Variants in PTPRC observed in about 807,000 individuals in gnomAD.
PTPRC encodes receptor-type tyrosine-protein phosphatase C.
A neutral mutation model predicts 155.9 loss-of-function variants in PTPRC; 44 were observed. That is an observed-to-expected ratio of 0.28 (90% CI 0.22 to 0.36). The LOEUF is 0.36. Among genes scored for constraint, PTPRC ranks in the 10% least tolerant of loss-of-function variants. The probability of loss-of-function intolerance (pLI) is 1.00; values close to 1 mark genes in which losing one functional copy is unlikely to be tolerated. For missense variants in PTPRC, 1,401 were observed against 1,564.6 expected (o/e 0.90, Z 1.76); for synonymous variants, 525 against 533.1 (o/e 0.98, Z 0.21).
intron 26 of PTPRC, 123 bp from the exon 27 acceptor site, chr1:198,747,986 T>C (rs1175719958): frequency 7.0e-7 from 1 of 1,418,868 alleles, no homozygotes; most frequent in Non-Finnish European, 9.5e-7. Flanking sequence ...TTATGGCCTA[T>C]AGGGAGCATA....
intron 27 of PTPRC, among the ~76,000 whole-genome samples, chr1:198,748,549 G>A (rs1268586034): frequency 2.6e-5 from 4 of 151,598 alleles, no homozygotes; most frequent in Non-Finnish European, 4.4e-5. Context: ...ATTTACTCCA[G>A]GGTAATTGAC....
At chr1:198,680,005 C>T (rs1173181175) in intron 2 of PTPRC, 4 of 606,674 alleles carry the variant, frequency 6.6e-6, no homozygotes, top group Non-Finnish European at 1.2e-5. Flanking sequence ...TTCCTGCAGG[C>T]TCAAGGGCCT....
intron 11 of PTPRC, among the ~76,000 whole-genome samples, chr1:198,712,571 G>C (rs1019589077): frequency 2.0e-5 from 3 of 152,160 alleles, no homozygotes; most frequent in Non-Finnish European, 4.4e-5. Flanking sequence ...AATGACAAGT[G>C]CTACTCAATG....
intron 2 of PTPRC, among the ~76,000 whole-genome samples, chr1:198,656,000 G>A (rs144883975): frequency 6.6e-6 from 1 of 151,994 alleles, no homozygotes; most frequent in African/African-American, 2.4e-5. Context: ...CATGAAGTTC[G>A]TTGGGTACTC....
At chr1:198,698,497 C>A (rs923603385) in intron 4 of PTPRC, among the ~76,000 whole-genome samples, 3 of 151,824 alleles carry the variant, frequency 2.0e-5, no homozygotes, top group East Asian at 3.9e-4. Flanking sequence ...TTTTCATTTA[C>A]TGATATAATT....
chr1:198,664,717 G>A (rs1324169126), intron 2 of PTPRC, among the ~76,000 whole-genome samples: 1 of 152,036 alleles, frequency 6.6e-6, no homozygotes, highest in African/African-American at 2.4e-5. Flanking sequence ...CTCTAGAATA[G>A]GCTGTTTGGG....
At chr1:198,655,887 A>C (rs1254692334) in intron 2 of PTPRC, among the ~76,000 whole-genome samples, 1 of 152,062 alleles carries the variant, frequency 6.6e-6, no homozygotes, top group Non-Finnish European at 1.5e-5. Flanking sequence ...ACTTCATTGA[A>C]ATAATTTCTT....
At chr1:198,746,127 CA>C (rs1241971946) in intron 26 of PTPRC, among the ~76,000 whole-genome samples, 3 of 151,590 alleles carry the variant, frequency 2.0e-5, no homozygotes, top group Admixed American at 2.0e-4. Context: ...TTGAATTAAC[CA>C]AAAATGATGA....
At chr1:198,718,507 T>C (rs72738059) in intron 14 of PTPRC, among the ~76,000 whole-genome samples, 1,960 of 152,332 alleles carry the variant, frequency 0.013, 24 homozygotes, top group Non-Finnish European at 0.016. Flanking sequence ...AAATGTTTCA[T>C]TGGAATATTT....
At chr1:198,694,422 T>G in intron 3 of PTPRC, 2 of 1,092,068 alleles carry the variant, frequency 1.8e-6, no homozygotes, top group African/African-American at 1.6e-5. Flanking sequence ...GAACAATACT[T>G]TGCATCCTTC....
chr1:198,749,663 A>G, intron 28 of PTPRC, 114 bp downstream of exon 28: 2 of 989,954 alleles, frequency 2.0e-6, no homozygotes, highest in African/African-American at 1.6e-5. Flanking sequence ...GGTCATAACT[A>G]CATATAGATT....
intron 2 of PTPRC, among the ~76,000 whole-genome samples, chr1:198,650,591 G>A (rs1663194188): frequency 6.6e-6 from 1 of 151,858 alleles, no homozygotes; most frequent in Non-Finnish European, 1.5e-5. Context: ...TGTTATTGAT[G>A]TCTGATTTTC....
intron 2 of PTPRC, among the ~76,000 whole-genome samples, chr1:198,687,351 G>A (rs1665686110): frequency 6.6e-6 from 1 of 152,050 alleles, no homozygotes; most frequent in African/African-American, 2.4e-5. Context: ...TTCTATCTAT[G>A]ATTTTGGTAA....
rs558327158 is a variant in PTPRC at position 198,713,990 on chromosome 1, A to G, written c.1291+918A>G. Among the ~76,000 whole-genome samples the G allele has an allele frequency of 3.3e-5, 5 of 152,316 alleles. No homozygotes were observed. In the South Asian group the frequency reaches 1.0e-3, roughly 32 times the overall value. On this transcript the variant is annotated intron_variant, in intron 12 of 32. Coordinates refer to ENST00000442510, the MANE Select transcript of PTPRC (RefSeq NM_002838.5). ...ACTACTAAAGCAAAGTTAAATATGC[A>G]TGTAGTTTTCAAATTAACATTCAAA...
Position 198,735,259 on chromosome 1 carries a change from T to A in PTPRC, c.2403+7T>A, listed in dbSNP as rs766343243. The A allele has an allele frequency of 1.4e-5, 23 of 1,595,044 alleles. No homozygotes were observed. Among genetic ancestry groups the A allele is most frequent in the Non-Finnish European group, 1.8e-5 (21 of 1,168,746 alleles). Reference sequence around the variant, plus strand: ...GAAATTGAACATTGTAAATGTGAGTTTGCTTTTTACATAATTTTTGTTTTG... The same window carrying A: ...GAAATTGAACATTGTAAATGTGAGTATGCTTTTTACATAATTTTTGTTTTG... On this transcript the variant is annotated splice_region_variant and intron_variant, in intron 23 of 32. Coordinates refer to ENST00000442510, the MANE Select transcript of PTPRC (RefSeq NM_002838.5).
intron 4 of PTPRC, among the ~76,000 whole-genome samples, chr1:198,697,822 A>C (rs964922536): frequency 1.6e-4 from 25 of 152,212 alleles, no homozygotes; most frequent in African/African-American, 6.0e-4. Flanking sequence ...GGGTACATCA[A>C]AGTATTTTGA....
At chr1:198,716,892 T>C (rs771342667) in intron 13 of PTPRC, 52 bp downstream of exon 13, 9 of 1,554,254 alleles carry the variant, frequency 5.8e-6, no homozygotes, top group African/African-American at 1.4e-5. Context: ...AAGCAAGGTA[T>C]GAACTTTTTA....
At chr1:198,723,867 A>G (rs1417115351) in intron 15 of PTPRC, among the ~76,000 whole-genome samples, 1 of 152,226 alleles carries the variant, frequency 6.6e-6, no homozygotes, top group Non-Finnish European at 1.5e-5. Flanking sequence ...TAGGAGCTGC[A>G]TTCCAAAAGG....
At chr1:198,703,806 A>G (rs566239750) in intron 7 of PTPRC, 18 of 210,062 alleles carry the variant, frequency 8.6e-5, no homozygotes, top group Non-Finnish European at 1.3e-4. Context: ...GTATCTGTGA[A>G]TCAGCAAGTA....
Sources: gnomAD v4.1 joint callset for allele counts (sites outside exome capture counted in the v4.1 genomes callset) on GRCh38, gnomAD v4.1.1 for gene constraint, MANE v1.5 for transcripts, NCBI Gene and HGNC (gene_info 2026-07-23, HGNC 2026-07-21) for gene names.